Variants in PDE4D observed in about 807,000 individuals in gnomAD.
PDE4D encodes the protein phosphodiesterase 4D, also known as 3',5'-cyclic-AMP phosphodiesterase 4D.
A neutral mutation model predicts 87.4 loss-of-function variants in PDE4D; 24 were observed. The observed-to-expected ratio is 0.27, with a 90% CI of 0.20 to 0.39. The LOEUF is 0.39. Ranked by LOEUF, PDE4D falls within the 10% of genes least tolerant of loss-of-function variation. The pLI is 1.00. For missense variants in PDE4D, 714 were observed against 1,041.0 expected (o/e 0.69, Z 4.32); for synonymous variants, 384 against 383.2 (o/e 1.00, Z -0.02).
At chr5:60,048,432 C>T (rs1003883712) in intron 2 of PDE4D, among the ~76,000 whole-genome samples, 6 of 151,756 alleles carry the variant, frequency 4.0e-5, no homozygotes, top group Middle Eastern at 3.4e-3. Flanking sequence ...CTATTTTGCT[C>T]GTTAATCGAT....
chr5:59,787,367 G>A (rs556572984), intron 1 of PDE4D, among the ~76,000 whole-genome samples: 1 of 152,256 alleles, frequency 6.6e-6, no homozygotes, highest in East Asian at 1.9e-4. Context: ...TCTTTCTGCT[G>A]AGTTCTTCGT....
intron 1 of PDE4D, among the ~76,000 whole-genome samples, chr5:59,350,308 T>C (rs1687014724): frequency 6.6e-6 from 1 of 152,040 alleles, no homozygotes; most frequent in African/African-American, 2.4e-5. Context: ...GCATATGTAT[T>C]GAAGTGAGGG....
At chr5:60,430,929 C>T (rs1744204152) in intron 1 of PDE4D, 1 of 277,562 alleles carries the variant, frequency 3.6e-6, no homozygotes, top group Non-Finnish European at 7.1e-6. Context: ...TGAAAAGTCT[C>T]CCATGTCTAC....
At chr5:60,414,286 T>G (rs1373811764) in intron 1 of PDE4D, among the ~76,000 whole-genome samples, 2 of 152,218 alleles carry the variant, frequency 1.3e-5, no homozygotes, top group Non-Finnish European at 2.9e-5. Context: ...TCTGCCTCCC[T>G]AGAGAATGCA....
At chr5:59,221,995 C>A (rs760918159) in intron 1 of PDE4D, among the ~76,000 whole-genome samples, 1 of 152,182 alleles carries the variant, frequency 6.6e-6, no homozygotes, top group African/African-American at 2.4e-5. Context: ...GACCAGCTGG[C>A]CTGCTGCATT....
chr5:60,401,999 C>T (rs1437291700), intron 1 of PDE4D, among the ~76,000 whole-genome samples: 1 of 152,144 alleles, frequency 6.6e-6, no homozygotes, highest in Non-Finnish European at 1.5e-5. Flanking sequence ...CAGATTATAA[C>T]TCCAATCAAC....
chr5:60,379,969 A>G lies in PDE4D; in HGVS notation c.-90+107973T>C, dbSNP rs943089312. The stretch of plus-strand genomic sequence containing the variant: ...TGGGCTCTGGAGAATTCAAAGGTGA[A>G]TGAAATGGTAACTATCTTCAAAAAA... On this transcript the variant is annotated intron_variant, in intron 1 of 16. Coordinates refer to the PDE4D transcript ENST00000502484. Among the ~76,000 whole-genome samples, 3 of 152,246 alleles carry G rather than the reference A, an allele frequency of 2.0e-5. No individual in the cohort carries two copies. In the East Asian group the frequency reaches 5.8e-4, roughly 29 times the overall value.
intron 1 of PDE4D, among the ~76,000 whole-genome samples, chr5:59,384,698 T>C (rs1291941459): frequency 1.3e-5 from 2 of 152,162 alleles, no homozygotes; most frequent in Non-Finnish European, 2.9e-5. Context: ...TCATTGTGAA[T>C]GCTCTTTCTC....
intron 1 of PDE4D, among the ~76,000 whole-genome samples, chr5:60,356,402 T>G (rs1032127599): frequency 9.2e-5 from 14 of 152,216 alleles, no homozygotes; most frequent in African/African-American, 3.4e-4. Context: ...CGCATTTAAA[T>G]AGACTGCCTT....
intron 2 of PDE4D, among the ~76,000 whole-genome samples, chr5:59,199,528 T>C (rs1353561050): frequency 1.3e-5 from 2 of 152,170 alleles, no homozygotes; most frequent in Non-Finnish European, 2.9e-5. Context: ...ATTTTTGAAA[T>C]ATATTTTAAA....
chr5:60,299,359 G>C (rs1236505328), intron 1 of PDE4D, among the ~76,000 whole-genome samples: 1 of 152,164 alleles, frequency 6.6e-6, no homozygotes, highest in Non-Finnish European at 1.5e-5. Flanking sequence ...TGGCTCATAG[G>C]TATAGAAAAC....
chr5:59,821,640 T>A (rs1581258966), intron 1 of PDE4D, among the ~76,000 whole-genome samples: 1 of 152,240 alleles, frequency 6.6e-6, no homozygotes, highest in Admixed American at 6.5e-5. Flanking sequence ...TTTTAGTTGC[T>A]ATATTGTTGA....
At chr5:59,612,059 T>C (rs913702490) in intron 1 of PDE4D, among the ~76,000 whole-genome samples, 1 of 152,226 alleles carries the variant, frequency 6.6e-6, no homozygotes, top group Admixed American at 6.5e-5. Context: ...TTAAAACTTC[T>C]TCCTATAAGC....
chr5:59,254,941 T>G (rs759747801), intron 1 of PDE4D, among the ~76,000 whole-genome samples: 1 of 152,180 alleles, frequency 6.6e-6, no homozygotes. Flanking sequence ...TCAATAATGA[T>G]GCAGCCATTC....
At chr5:59,542,831 T>C (rs1044333956) in intron 1 of PDE4D, among the ~76,000 whole-genome samples, 7 of 152,120 alleles carry the variant, frequency 4.6e-5, no homozygotes, top group African/African-American at 1.7e-4. Context: ...AAAGGCAGAC[T>C]ACAATATTTC....
chr5:59,568,398 A>G (rs1477336751), intron 1 of PDE4D, among the ~76,000 whole-genome samples: 1 of 152,208 alleles, frequency 6.6e-6, no homozygotes, highest in African/African-American at 2.4e-5. Flanking sequence ...AGAATTGCAA[A>G]TATTTTATGT....
intron 5 of PDE4D, among the ~76,000 whole-genome samples, chr5:59,099,575 T>C (rs571763020): frequency 6.7e-6 from 1 of 148,828 alleles, no homozygotes; most frequent in South Asian, 2.1e-4. Context: ...CAGTACGAGT[T>C]ACTGTTTGTA....
chr5:60,433,671 A>G (rs961535336), intron 1 of PDE4D, among the ~76,000 whole-genome samples: 11 of 152,220 alleles, frequency 7.2e-5, no homozygotes, highest in Admixed American at 5.9e-4. Context: ...GGTATCAACC[A>G]AAATGGTCAA....
At chr5:60,511,506 A>G (rs947731695) in intron 1 of PDE4D, among the ~76,000 whole-genome samples, 1 of 137,202 alleles carries the variant, frequency 7.3e-6, no homozygotes, top group African/African-American at 2.9e-5. Flanking sequence ...GCAATAACAT[A>G]CTATAGAAAT....
Sources: gnomAD v4.1 joint callset for allele counts (sites outside exome capture counted in the v4.1 genomes callset) on GRCh38, gnomAD v4.1.1 for gene constraint, MANE v1.5 for transcripts, NCBI Gene and HGNC (gene_info 2026-07-23, HGNC 2026-07-21) for gene names.